KANK4: variants seen among roughly 807,000 people sequenced by gnomAD.
The protein encoded by KANK4 is KN motif and ankyrin repeat domains 4, also known as KN motif and ankyrin repeat domain-containing protein 4.
A neutral mutation model predicts 80.8 loss-of-function variants in KANK4; 50 were observed. The observed-to-expected ratio is 0.62, with a 90% CI of 0.49 to 0.78. The LOEUF (loss-of-function observed/expected upper bound fraction) is 0.78. Among genes scored for constraint, KANK4 ranks in the 30% least tolerant of loss-of-function variants. KANK4 has a pLI of 0.00. For synonymous variants in KANK4, 465 were observed against 506.9 expected (o/e 0.92, Z 1.11); for missense variants, 1,196 against 1,240.1 (o/e 0.96, Z 0.53).
chr1:62,281,641 G>T lies in KANK4; in HGVS notation c.-70-7C>A. 1 of 1,536,870 alleles carries T rather than the reference G, an allele frequency of 6.5e-7. No homozygotes were observed. The highest frequency in any genetic ancestry group is 9.0e-7 in the Non-Finnish European group (1 of 1,109,582). On this transcript the variant is annotated splice_polypyrimidine_tract_variant and splice_region_variant and intron_variant, in intron 1 of 9. Coordinates refer to ENST00000371153, the MANE Select transcript of KANK4 (RefSeq NM_181712.5). ...GTAAAACTTGTTGAAGGTTCTGAAA[G>T]AAAGGAGGATACAGAAGTGGTGAGT...
chr1:62,284,063 G>A (rs1440934874), intron 1 of KANK4, among the ~76,000 whole-genome samples: 3 of 152,026 alleles, frequency 2.0e-5, no homozygotes, highest in African/African-American at 7.2e-5. Flanking sequence ...CATAATACAG[G>A]AAGGAAGGAA....
At chr1:62,302,017 G>A (rs1041511534) in intron 1 of KANK4, among the ~76,000 whole-genome samples, 1 of 152,062 alleles carries the variant, frequency 6.6e-6, no homozygotes, top group Non-Finnish European at 1.5e-5. Context: ...GAGCCAGGAT[G>A]GGGTACAGCT....
chr1:62,313,764 C>T lies in KANK4; in HGVS notation c.-71+5342G>A, dbSNP rs1003784985. On this transcript the variant is annotated intron_variant, in intron 1 of 9. Coordinates refer to ENST00000371153, the MANE Select transcript of KANK4 (RefSeq NM_181712.5). ...ACCTAATGCATGCGGGGCTTAAAACCTAGATGACGGGTTGATAGGTGCAGC... is the reference window on the plus strand; with the variant it reads ...ACCTAATGCATGCGGGGCTTAAAACTTAGATGACGGGTTGATAGGTGCAGC... Among the ~76,000 whole-genome samples, 11 of 152,084 alleles carry T rather than the reference C, an allele frequency of 7.2e-5. 1 individual carries two copies. Among genetic ancestry groups the T allele is most frequent in the Non-Finnish European group, 4.4e-5 (3 of 68,028 alleles).
intron 1 of KANK4, among the ~76,000 whole-genome samples, chr1:62,302,088 C>A (rs1170356904): frequency 2.0e-5 from 3 of 152,050 alleles, no homozygotes; most frequent in Non-Finnish European, 4.4e-5. Flanking sequence ...TGCTGTGGAA[C>A]TTGAAGACCA....
At chr1:62,243,715 G>A (rs1479837507) in intron 9 of KANK4, among the ~76,000 whole-genome samples, 1 of 152,116 alleles carries the variant, frequency 6.6e-6, no homozygotes, top group Non-Finnish European at 1.5e-5. Context: ...CCCACTAGAT[G>A]TCAGGAGCAT....
rs1672273093 is a variant in KANK4, at chr1:62,274,873, G to A, written c.231C>T (p.Asp77=). The A allele has an allele frequency of 1.2e-6, 2 of 1,614,048 alleles. No homozygotes were observed. The highest frequency in any genetic ancestry group is 2.2e-5 in the East Asian group (1 of 44,888). The change falls in exon 3 of 10, where the codon GAC becomes GAT. Residue 77 remains aspartate, a synonymous_variant. Coordinates refer to ENST00000371153, the MANE Select transcript of KANK4 (RefSeq NM_181712.5). ...STLPRNFSLP[D]SGARPPAAPP... Reference sequence around the variant, plus strand: ...GGGCTGCAGGGGGGCGAGCCCCACTGTCAGGAAGGCTGAAGTTTCGGGGCA... The same window carrying A: ...GGGCTGCAGGGGGGCGAGCCCCACTATCAGGAAGGCTGAAGTTTCGGGGCA...
At chr1:62,302,687 G>C (rs1002926382) in intron 1 of KANK4, among the ~76,000 whole-genome samples, 14 of 152,206 alleles carry the variant, frequency 9.2e-5, no homozygotes, top group Non-Finnish European at 1.9e-4. Context: ...CCAGGAAGAG[G>C]GTTGTCCCCC....
At chr1:62,299,512 A>G (rs752910579) in intron 1 of KANK4, among the ~76,000 whole-genome samples, 5 of 152,186 alleles carry the variant, frequency 3.3e-5, no homozygotes, top group Non-Finnish European at 5.9e-5. Context: ...AGCAGCAGAC[A>G]GAAGCCTCAA....
chr1:62,249,047 G>A (rs1277414208), intron 8 of KANK4, among the ~76,000 whole-genome samples: 5 of 148,796 alleles, frequency 3.4e-5, no homozygotes, highest in African/African-American at 1.2e-4. Flanking sequence ...GGTGGCGGGC[G>A]CCTGCTATTC....
rs59851783 is a variant in KANK4, at chr1:62,267,801, C to CAAAA, written c.2231+482_2231+485dup. On this transcript the variant is annotated intron_variant, in intron 5 of 9. Coordinates refer to ENST00000371153, the MANE Select transcript of KANK4 (RefSeq NM_181712.5). ...CGGGTGACAGTGCAAGACTCCGTCT[C>CAAAA]AAAAAAAAAAAAAAAGACACATCAC... is the stretch of plus-strand genomic sequence containing the variant. Among the ~76,000 whole-genome samples, 932 of 126,542 alleles carry CAAAA rather than the reference C, an allele frequency of 7.4e-3. 11 individuals carry two copies. The highest frequency in any genetic ancestry group is 0.025 in the African/African-American group (869 of 34,664). 83.0% of individuals were successfully genotyped at this position (126,542 alleles called of 152,430 possible).
At chr1:62,244,206 T>A (rs7519515) in intron 9 of KANK4, among the ~76,000 whole-genome samples, 12,606 of 151,884 alleles carry the variant, frequency 0.083, 601 homozygotes, top group African/African-American at 0.12. Context: ...TTTATTTTTT[T>A]TTTTTTTGAG....
chr1:62,241,252 C>T (rs1357373126), intron 9 of KANK4, among the ~76,000 whole-genome samples: 1 of 152,070 alleles, frequency 6.6e-6, no homozygotes, highest in South Asian at 2.1e-4. Context: ...CACGGCAAAG[C>T]ACTAAACGAG....
intron 9 of KANK4, among the ~76,000 whole-genome samples, chr1:62,246,102 T>C (rs1671459879): frequency 6.6e-6 from 1 of 152,154 alleles, no homozygotes; most frequent in African/African-American, 2.4e-5. Flanking sequence ...ACAAGATTGT[T>C]GTGGGGTTTA....
intron 9 of KANK4, among the ~76,000 whole-genome samples, chr1:62,240,068 T>C (rs533589431): frequency 6.6e-6 from 1 of 152,364 alleles, no homozygotes; most frequent in Admixed American, 6.5e-5. Context: ...TTTCTAGTTC[T>C]AGATCCCTGA....
intron 7 of KANK4, among the ~76,000 whole-genome samples, chr1:62,261,867 T>C (rs1671893488): frequency 6.6e-6 from 1 of 152,180 alleles, no homozygotes; most frequent in African/African-American, 2.4e-5. Context: ...CCCTACCTGC[T>C]CCAGTGCACC....
chr1:62,310,516 G>A (rs895105617), intron 1 of KANK4, among the ~76,000 whole-genome samples: 3 of 152,196 alleles, frequency 2.0e-5, no homozygotes, highest in Non-Finnish European at 2.9e-5. Context: ...CCTGAAAGGG[G>A]GAATGAAAGA....
At chr1:62,309,882 T>C (rs1644484155) in intron 1 of KANK4, among the ~76,000 whole-genome samples, 1 of 152,166 alleles carries the variant, frequency 6.6e-6, no homozygotes, top group African/African-American at 2.4e-5. Context: ...TCTCTGCCAG[T>C]GGGCAGAGCT....
Position 62,271,494 on chromosome 1 carries a change from C to G in KANK4, c.1996G>C (p.Val666Leu), listed in dbSNP as rs753061564. The G allele has an allele frequency of 1.9e-6, 3 of 1,613,186 alleles. No individual in the cohort carries two copies. The highest frequency in any genetic ancestry group is 1.3e-5 in the African/African-American group (1 of 74,922). The part of the protein sequence containing the change: ...GNGTKKNLQF[V>L]GVNGGYETTS... ...GATGCTTACCCACCGTTAACCCCAA[C>G]AAACTGAAGGTTCTTTTTGGTCCCA... Residue 666 changes from valine (V) to leucine (L), a missense_variant, in exon 4 of 10, where the codon GTT becomes CTT. Transcript: ENST00000371153.
intron 1 of KANK4, among the ~76,000 whole-genome samples, chr1:62,308,372 A>G (rs902744104): frequency 5.3e-5 from 8 of 152,118 alleles, no homozygotes; most frequent in South Asian, 2.1e-4. Flanking sequence ...AGTCAGGACA[A>G]GAGCAGGGGT....
Sources: gnomAD v4.1 joint callset for allele counts (sites outside exome capture counted in the v4.1 genomes callset) on GRCh38, gnomAD v4.1.1 for gene constraint, MANE v1.5 for transcripts, NCBI Gene and HGNC (gene_info 2026-07-23, HGNC 2026-07-21) for gene names.